Variants in PDE4D observed in about 807,000 individuals in gnomAD.
PDE4D encodes the protein phosphodiesterase 4D.
Under a neutral mutation model 87.4 loss-of-function variants are expected in PDE4D, and 24 were observed. The ratio of observed to expected loss-of-function variants is 0.27; its 90% CI spans 0.20 to 0.39. The LOEUF (loss-of-function observed/expected upper bound fraction) is 0.39, where lower values mean the gene tolerates loss of function less well. Ranked by LOEUF, PDE4D falls within the 10% of genes least tolerant of loss-of-function variation. The pLI is 1.00. For synonymous variants in PDE4D, 384 were observed against 383.2 expected, an observed-to-expected ratio of 1.00 and a Z score of -0.02; for missense variants, 714 against 1,041.0, an observed-to-expected ratio of 0.69 and a Z score of 4.32.
intron 1 of PDE4D, among the ~76,000 whole-genome samples, chr5:59,648,737 A>G (rs1170483724): frequency 6.6e-6 from 1 of 150,526 alleles, no homozygotes; most frequent in East Asian, 2.0e-4. Flanking sequence ...AAAAAAAAAT[A>G]AGGTTTAATG....
intron 5 of PDE4D, among the ~76,000 whole-genome samples, chr5:59,100,178 G>A (rs1248969491): frequency 6.6e-6 from 1 of 152,128 alleles, no homozygotes; most frequent in African/African-American, 2.4e-5. Context: ...CCAAAATACA[G>A]AACACAGCAA....
intron 1 of PDE4D, among the ~76,000 whole-genome samples, chr5:59,720,072 C>G (rs2150552959): frequency 6.6e-6 from 1 of 152,314 alleles, no homozygotes; most frequent in East Asian, 1.9e-4. Context: ...GTTTCTTCCA[C>G]TCTGTCACAC....
intron 1 of PDE4D, among the ~76,000 whole-genome samples, chr5:59,223,852 G>A (rs1002791599): frequency 1.3e-5 from 2 of 151,916 alleles, no homozygotes; most frequent in African/African-American, 4.8e-5. Flanking sequence ...CCCGGAGAAG[G>A]CATGATATTT....
chr5:59,684,347 C>T (rs1749511618), intron 1 of PDE4D, among the ~76,000 whole-genome samples: 1 of 152,136 alleles, frequency 6.6e-6, no homozygotes, highest in East Asian at 1.9e-4. Flanking sequence ...CTGATCCTCT[C>T]CCCCACAGAG....
chr5:59,083,897 T>C (rs756343380), intron 5 of PDE4D, among the ~76,000 whole-genome samples: 19 of 152,094 alleles, frequency 1.2e-4, no homozygotes, highest in Non-Finnish European at 2.1e-4. Flanking sequence ...GTTTCTTAAG[T>C]AGTTGGCAGG....
intron 2 of PDE4D, among the ~76,000 whole-genome samples, chr5:60,012,586 T>A (rs1314633748): frequency 7.1e-6 from 1 of 141,372 alleles, no homozygotes; most frequent in South Asian, 2.2e-4. Flanking sequence ...GGAAGACGAC[T>A]GCTATAACCA....
intron 2 of PDE4D, among the ~76,000 whole-genome samples, chr5:60,124,274 T>A (rs561876900): frequency 5.7e-4 from 87 of 152,268 alleles, no homozygotes; most frequent in Middle Eastern, 3.4e-3. Flanking sequence ...ACCTCAACTG[T>A]CTAAGTACTC....
At chr5:60,257,202 G>T (rs1249419485) in intron 1 of PDE4D, among the ~76,000 whole-genome samples, 2 of 130,054 alleles carry the variant, frequency 1.5e-5, no homozygotes, top group South Asian at 2.5e-4. Flanking sequence ...AAGAAAGAAA[G>T]AATGAATGAA....
intron 1 of PDE4D, among the ~76,000 whole-genome samples, chr5:59,656,227 A>G (rs1307686004): frequency 6.6e-6 from 1 of 152,156 alleles, no homozygotes; most frequent in African/African-American, 2.4e-5. Flanking sequence ...TACACACATC[A>G]CACACAGACT....
At chr5:59,761,550 T>A (rs934971420) in intron 1 of PDE4D, among the ~76,000 whole-genome samples, 3 of 152,274 alleles carry the variant, frequency 2.0e-5, no homozygotes, top group Non-Finnish European at 4.4e-5. Flanking sequence ...TTTTTAATTT[T>A]TTTTTACTTT....
At chr5:59,663,914 T>C (rs1745653443) in intron 1 of PDE4D, among the ~76,000 whole-genome samples, 1 of 152,198 alleles carries the variant, frequency 6.6e-6, no homozygotes, top group South Asian at 2.1e-4. Flanking sequence ...CATCTCAAAA[T>C]ATATGCAGGA....
At chr5:60,386,081 T>C (rs1762171954) in intron 1 of PDE4D, among the ~76,000 whole-genome samples, 3 of 152,136 alleles carry the variant, frequency 2.0e-5, no homozygotes, top group Admixed American at 2.0e-4. Flanking sequence ...AATTAAATAA[T>C]AATAATTCCT....
In PDE4D at chr5:59,167,327, T is replaced by A. The variant is rs534251772; in HGVS notation, c.808+13268A>T. 3.3e-5 allele frequency among the ~76,000 whole-genome samples: 5 copies of A among 152,278 alleles called. 1 individual carries two copies. The South Asian group carries it at 1.0e-3, about 32-fold the overall frequency. On this transcript the variant is annotated intron_variant, in intron 5 of 14. Coordinates refer to ENST00000340635, the MANE Select transcript of PDE4D (RefSeq NM_001104631.2). ...TACCAATGTTTGAGATTTTTTTCTA[T>A]GGGAGGATAAAACCTAGGTCTGTCT...
chr5:59,406,830 C>A (rs890415851), intron 1 of PDE4D, among the ~76,000 whole-genome samples: 3 of 152,144 alleles, frequency 2.0e-5, no homozygotes, highest in Non-Finnish European at 4.4e-5. Flanking sequence ...CTGTCTAGGG[C>A]TACGAAGTTT....
At chr5:60,367,974 GTTCT>G (rs762199318) in intron 1 of PDE4D, among the ~76,000 whole-genome samples, 23 of 152,102 alleles carry the variant, frequency 1.5e-4, no homozygotes, top group Admixed American at 3.3e-4. Flanking sequence ...ATTACTGAGC[GTTCT>G]TTTTCAGATC....
chr5:60,096,882 C>A (rs555176094), intron 2 of PDE4D, among the ~76,000 whole-genome samples: 24 of 152,164 alleles, frequency 1.6e-4, no homozygotes, highest in African/African-American at 5.5e-4. Flanking sequence ...TGTTTTATCT[C>A]ATACCCAAGT....
chr5:59,100,347 C>A (rs917657954), intron 5 of PDE4D, among the ~76,000 whole-genome samples: 9 of 152,202 alleles, frequency 5.9e-5, no homozygotes, highest in Admixed American at 3.9e-4. Context: ...TTTCTACATG[C>A]CTGTGACTTT....
intron 2 of PDE4D, among the ~76,000 whole-genome samples, chr5:60,086,071 C>CA (rs1270548274): frequency 6.6e-6 from 1 of 152,116 alleles, no homozygotes; most frequent in Non-Finnish European, 1.5e-5. Flanking sequence ...TTTGGAAATG[C>CA]AATACCTTTA....
intron 3 of PDE4D, among the ~76,000 whole-genome samples, chr5:59,933,987 C>G (rs570833165): frequency 6.6e-6 from 1 of 151,804 alleles, no homozygotes; most frequent in Non-Finnish European, 1.5e-5. Context: ...TTTTCTTTTT[C>G]TTTTTATTTT....
Sources: gnomAD v4.1 joint callset for allele counts (sites outside exome capture counted in the v4.1 genomes callset) on GRCh38, gnomAD v4.1.1 for gene constraint, MANE v1.5 for transcripts, NCBI Gene and HGNC (gene_info 2026-07-23, HGNC 2026-07-21) for gene names.